Variants in GALNTL6 observed in about 807,000 individuals in gnomAD.
GALNTL6 encodes polypeptide N-acetylgalactosaminyltransferase like 6.
Under a neutral mutation model 73.7 loss-of-function variants are expected in GALNTL6, and 46 were observed. That is an observed-to-expected ratio of 0.62 (90% CI 0.49 to 0.80). The LOEUF is 0.80. Ranked by LOEUF, GALNTL6 falls within the 30% of genes least tolerant of loss-of-function variation. The pLI is 0.00. For missense variants in GALNTL6, 604 were observed against 755.0 expected, an observed-to-expected ratio of 0.80 and a Z score of 2.34; for synonymous variants, 259 against 263.7, an observed-to-expected ratio of 0.98 and a Z score of 0.17.
In GALNTL6 at chr4:172,809,327, C is replaced by T. The variant is rs763071320; in HGVS notation, c.554-34C>T. On this transcript the variant is annotated intron_variant, in intron 5 of 12. Transcript: ENST00000506823. The surrounding 1 kb of genome is among the most constrained non-coding windows in gnomAD (Gnocchi z 4.4). ...TAATTCAGCTGCAACTAATGTTTTG[C>T]GTTTTTTCTATGCATTCTCTACTTC... The T allele has an allele frequency of 1.6e-5, 25 of 1,566,274 alleles. No homozygotes were observed. Among genetic ancestry groups the T allele is most frequent in the East Asian group, 9.0e-5 (4 of 44,590 alleles).
At chr4:172,947,810 G>A (rs1169786583) in intron 9 of GALNTL6, among the ~76,000 whole-genome samples, 3 of 152,120 alleles carry the variant, frequency 2.0e-5, no homozygotes, top group African/African-American at 7.2e-5. Flanking sequence ...TGAATGTGTG[G>A]TATGCGTGCT....
chr4:172,038,303 T>A (rs1171703881), intron 2 of GALNTL6, among the ~76,000 whole-genome samples: 1 of 149,746 alleles, frequency 6.7e-6, no homozygotes, highest in Non-Finnish European at 1.5e-5. Context: ...ATCCTAAACA[T>A]CGGTATTTGT....
intron 5 of GALNTL6, among the ~76,000 whole-genome samples, chr4:172,451,109 T>G (rs1732192910): frequency 6.6e-6 from 1 of 152,194 alleles, no homozygotes; most frequent in Admixed American, 6.5e-5. Flanking sequence ...CTCTATTCTC[T>G]ATTGACGATA....
chr4:172,372,786 C>T (rs965208420), intron 5 of GALNTL6, among the ~76,000 whole-genome samples: 2 of 152,066 alleles, frequency 1.3e-5, no homozygotes, highest in Non-Finnish European at 2.9e-5. Context: ...TATAGAGGGG[C>T]CTGGCTATCT....
At chr4:172,878,908 A>G (rs1745320601) in intron 7 of GALNTL6, among the ~76,000 whole-genome samples, 1 of 151,892 alleles carries the variant, frequency 6.6e-6, no homozygotes, top group South Asian at 2.1e-4. Flanking sequence ...AAAAGATAGA[A>G]AAAGTTATAA....
At chr4:172,911,794 A>G (rs1301151893) in intron 8 of GALNTL6, among the ~76,000 whole-genome samples, 1 of 152,242 alleles carries the variant, frequency 6.6e-6, no homozygotes, top group Non-Finnish European at 1.5e-5. Flanking sequence ...AGGGGCAATT[A>G]TGAATTCCTT....
chr4:172,478,448 T>G (rs1482013703), intron 5 of GALNTL6, among the ~76,000 whole-genome samples: 2 of 152,126 alleles, frequency 1.3e-5, no homozygotes, highest in African/African-American at 2.4e-5. Context: ...TTAGGAAAAT[T>G]GGATAGACAT....
intron 2 of GALNTL6, among the ~76,000 whole-genome samples, chr4:172,153,580 C>G (rs1298742318): frequency 6.6e-6 from 1 of 152,094 alleles, no homozygotes; most frequent in Non-Finnish European, 1.5e-5. Context: ...TACATAAAAA[C>G]TATTATTAAG....
chr4:172,529,870 T>TA (rs1735112243), intron 5 of GALNTL6, among the ~76,000 whole-genome samples: 1 of 143,574 alleles, frequency 7.0e-6, no homozygotes, highest in Admixed American at 7.0e-5. Context: ...TTATTTTATT[T>TA]ATTTATTTAT....
Position 172,129,811 on chromosome 4 carries a change from C to T in GALNTL6, c.139-99845C>T, listed in dbSNP as rs1435536555. ...AAAAGAACTTGCCAAAGTAAGAGTC[C>T]TAGAATCCAAGAGGAGATACACAGT... On this transcript the variant is annotated intron_variant, in intron 2 of 12. Coordinates refer to ENST00000506823, the MANE Select transcript of GALNTL6 (RefSeq NM_001034845.3). Among the ~76,000 whole-genome samples the T allele has an allele frequency of 1.1e-4, 16 of 152,220 alleles. No homozygotes were observed. The East Asian group carries it at 3.1e-3, about 29-fold the overall frequency.
intron 5 of GALNTL6, among the ~76,000 whole-genome samples, chr4:172,678,365 G>T (rs1172810861): frequency 4.2e-4 from 61 of 144,078 alleles, no homozygotes; most frequent in African/African-American, 1.5e-3. Flanking sequence ...TTTTTTTTGA[G>T]ACAGAGTTTC....
At chr4:173,032,075 A>G (rs1383407986) in intron 12 of GALNTL6, among the ~76,000 whole-genome samples, 1 of 152,230 alleles carries the variant, frequency 6.6e-6, no homozygotes, top group East Asian at 1.9e-4. Context: ...CAGAACAGAA[A>G]GAAGCCAGTT....
At chr4:172,547,417 G>C (rs1735812914) in intron 5 of GALNTL6, among the ~76,000 whole-genome samples, 1 of 152,070 alleles carries the variant, frequency 6.6e-6, no homozygotes, top group African/African-American at 2.4e-5. Flanking sequence ...ATCTTCAAAA[G>C]ACCAACCCTT....
intron 5 of GALNTL6, among the ~76,000 whole-genome samples, chr4:172,582,538 G>A (rs1250000814): frequency 2.0e-5 from 3 of 152,130 alleles, no homozygotes; most frequent in African/African-American, 7.2e-5. Context: ...AAAGCTGACT[G>A]TAATTACTCC....
chr4:171,973,263 G>T (rs1739623746), intron 2 of GALNTL6, among the ~76,000 whole-genome samples: 1 of 152,150 alleles, frequency 6.6e-6, no homozygotes, highest in Non-Finnish European at 1.5e-5. Context: ...AGGAGGGCGT[G>T]TATCAGTTTG....
chr4:172,451,631 T>TTA (rs1278830513), intron 5 of GALNTL6, among the ~76,000 whole-genome samples: 1 of 152,156 alleles, frequency 6.6e-6, no homozygotes, highest in East Asian at 1.9e-4. Context: ...GAAGAAGTGG[T>TTA]TATATATATA....
At chr4:172,688,053 C>G (rs939539316) in intron 5 of GALNTL6, among the ~76,000 whole-genome samples, 2 of 152,092 alleles carry the variant, frequency 1.3e-5, no homozygotes, top group African/African-American at 2.4e-5. Flanking sequence ...TCCTAGATAC[C>G]TTTTGTCCTT....
chr4:172,361,232 G>A (rs905334668), intron 5 of GALNTL6, among the ~76,000 whole-genome samples: 1 of 152,042 alleles, frequency 6.6e-6, no homozygotes. Flanking sequence ...ACAATAGTAA[G>A]TATTGTATGG....
intron 2 of GALNTL6, among the ~76,000 whole-genome samples, chr4:172,133,703 A>T (rs529695222): frequency 1.3e-5 from 2 of 152,332 alleles, no homozygotes; most frequent in East Asian, 3.9e-4. Flanking sequence ...TTCTTTAGTC[A>T]GTATCATGGA....
Sources: gnomAD v4.1 joint callset for allele counts (sites outside exome capture counted in the v4.1 genomes callset) on GRCh38, gnomAD v4.1.1 for gene constraint, Gnocchi (gnomAD v3.1) non-coding constraint, MANE v1.5 for transcripts, NCBI Gene and HGNC (gene_info 2026-07-23, HGNC 2026-07-21) for gene names.